TMEM178B: variants seen among roughly 807,000 people sequenced by gnomAD.
TMEM178B encodes the protein transmembrane protein 178B.
Under a neutral mutation model 31.0 loss-of-function variants are expected in TMEM178B, and 5 were observed. The ratio of observed to expected loss-of-function variants is 0.16; its 90% CI spans 0.08 to 0.34. The LOEUF is 0.34. Ranked by LOEUF, TMEM178B falls within the 10% of genes least tolerant of loss-of-function variation. The probability of loss-of-function intolerance (pLI) is 1.00; values close to 1 mark genes in which losing one functional copy is unlikely to be tolerated. For synonymous variants in TMEM178B, 164 were observed against 164.0 expected (o/e 1.00, Z 0.00); for missense variants, 275 against 400.3 (o/e 0.69, Z 2.67).
At chr7:141,347,613 T>C (rs1220849043) in intron 2 of TMEM178B, among the ~76,000 whole-genome samples, 1 of 152,190 alleles carries the variant, frequency 6.6e-6, no homozygotes, top group East Asian at 1.9e-4. Flanking sequence ...TAACTAGAGA[T>C]GCCTCTGGGG....
chr7:141,349,224 T>G (rs76279432), intron 2 of TMEM178B, among the ~76,000 whole-genome samples: 6,519 of 152,294 alleles, frequency 0.043, 154 homozygotes, highest in Middle Eastern at 0.082. Context: ...ATATAGTATT[T>G]ATTTGTACTG....
At chr7:141,285,022 C>A (rs1043645328) in intron 2 of TMEM178B, among the ~76,000 whole-genome samples, 2 of 150,660 alleles carry the variant, frequency 1.3e-5, no homozygotes, top group African/African-American at 4.9e-5. Flanking sequence ...AAAGGTCAAG[C>A]CTACCAGACT....
intron 1 of TMEM178B, among the ~76,000 whole-genome samples, chr7:141,089,973 A>C (rs559971030): frequency 2.7e-4 from 41 of 152,116 alleles, no homozygotes; most frequent in African/African-American, 9.2e-4. Flanking sequence ...CATACCTGCA[A>C]GTTGTGCACA....
intron 2 of TMEM178B, among the ~76,000 whole-genome samples, chr7:141,323,844 A>G (rs1799141666): frequency 6.6e-6 from 1 of 152,150 alleles, no homozygotes; most frequent in Non-Finnish European, 1.5e-5. Context: ...AAAAGCATGG[A>G]AAGGGATATG....
At chr7:141,460,626 T>A (rs1225358685) in intron 3 of TMEM178B, among the ~76,000 whole-genome samples, 4 of 152,200 alleles carry the variant, frequency 2.6e-5, no homozygotes, top group African/African-American at 9.6e-5. Context: ...GATGGACCAG[T>A]CCCTGTAGTC....
chr7:141,098,127 T>C (rs778376061), intron 1 of TMEM178B, among the ~76,000 whole-genome samples: 1 of 152,128 alleles, frequency 6.6e-6, no homozygotes, highest in Non-Finnish European at 1.5e-5. Context: ...TTACCAAAAG[T>C]CCACCATTCT....
At chr7:141,220,311 A>AAATAATAATAAT (rs143440134) in intron 2 of TMEM178B, among the ~76,000 whole-genome samples, 1 of 140,658 alleles carries the variant, frequency 7.1e-6, no homozygotes, top group Non-Finnish European at 1.5e-5. Flanking sequence ...ACTCCATCTC[A>AAATAATAATAAT]AATAATAATA....
At chr7:141,196,065 G>A (rs146240570) in intron 1 of TMEM178B, among the ~76,000 whole-genome samples, 111 of 152,196 alleles carry the variant, frequency 7.3e-4, no homozygotes, top group Non-Finnish European at 1.3e-3. Flanking sequence ...AAGCATATCA[G>A]TATGATACTG....
chr7:141,172,324 A>G (rs1563107122), intron 1 of TMEM178B, among the ~76,000 whole-genome samples: 1 of 152,226 alleles, frequency 6.6e-6, no homozygotes. Context: ...GATATTAATC[A>G]TGTTACATAG....
At chr7:141,468,635 A>T (rs867037084) in intron 3 of TMEM178B, among the ~76,000 whole-genome samples, 15 of 152,344 alleles carry the variant, frequency 9.8e-5, no homozygotes, top group African/African-American at 3.6e-4. Context: ...AGTACATGCC[A>T]CAAATTTAGT....
intron 1 of TMEM178B, among the ~76,000 whole-genome samples, chr7:141,101,991 GT>G (rs913544635): frequency 1.3e-5 from 2 of 149,336 alleles, no homozygotes; most frequent in African/African-American, 4.9e-5. Flanking sequence ...AGTAGATTTT[GT>G]TTTTTTTCAG....
intron 2 of TMEM178B, among the ~76,000 whole-genome samples, chr7:141,324,417 T>C (rs1171862967): frequency 5.7e-5 from 1 of 17,602 alleles, no homozygotes; most frequent in South Asian, 2.8e-3. Context: ...GAGACCAGGG[T>C]TTTTTTTTTT....
Position 141,145,653 on chromosome 7 carries a change from A to T in TMEM178B, c.383-66938A>T, listed in dbSNP as rs147612308. ...CTCACACATGAACGTGTACAAGAAT[A>T]TCACCAGCAGAGTTCAGGGCCCCTT... On this transcript the variant is annotated intron_variant, in intron 1 of 3. Transcript: ENST00000565468. Among the ~76,000 whole-genome samples the T allele has an allele frequency of 3.8e-3, 581 of 152,344 alleles. 5 individuals carry two copies. The highest frequency in any genetic ancestry group is 0.011 in the African/African-American group (456 of 41,574).
At chr7:141,228,847 G>C (rs117919095) in intron 2 of TMEM178B, among the ~76,000 whole-genome samples, 2 of 152,116 alleles carry the variant, frequency 1.3e-5, no homozygotes, top group Non-Finnish European at 2.9e-5. Flanking sequence ...CGTCATCATT[G>C]TTGGCCTCAT....
intron 1 of TMEM178B, among the ~76,000 whole-genome samples, chr7:141,176,566 C>A (rs1003405995): frequency 6.6e-6 from 1 of 152,092 alleles, no homozygotes; most frequent in Admixed American, 6.5e-5. Flanking sequence ...TGGTAGAATT[C>A]GGCTGTGAAT....
chr7:141,393,637 G>A (rs982856995), intron 2 of TMEM178B, among the ~76,000 whole-genome samples: 3 of 152,142 alleles, frequency 2.0e-5, no homozygotes, highest in Admixed American at 2.0e-4. Flanking sequence ...GAAAGAGAAA[G>A]GTCCAAAGAG....
the TMEM178B span, among the ~76,000 whole-genome samples, chr7:141,495,240 T>C: frequency 6.6e-6 from 1 of 151,710 alleles, no homozygotes. Flanking sequence ...AAGCCAAGAG[T>C]CCACTAGAAA....
intron 1 of TMEM178B, among the ~76,000 whole-genome samples, chr7:141,142,653 C>T (rs890010111): frequency 1.3e-5 from 2 of 152,112 alleles, no homozygotes; most frequent in Admixed American, 6.5e-5. Context: ...ATGATCCACC[C>T]GCCTCAGCCT....
chr7:141,236,791 T>G (rs1797534074), intron 2 of TMEM178B, among the ~76,000 whole-genome samples: 1 of 152,208 alleles, frequency 6.6e-6, no homozygotes, highest in African/African-American at 2.4e-5. Context: ...TAAGGGAAAT[T>G]ACAAAGGAAA....
Sources: allele counts gnomAD v4.1 joint callset (sites outside exome capture counted in the v4.1 genomes callset), GRCh38; gene constraint gnomAD v4.1.1; transcripts MANE v1.5; gene names NCBI Gene and HGNC (gene_info 2026-07-23, HGNC 2026-07-21).